The following VWA3A variants were observed in gnomAD, a reference collection of about 807,000 sequenced individuals.
VWA3A encodes the protein von Willebrand factor A domain containing 3A.
In VWA3A, 134 loss-of-function variants were observed where a neutral mutation model predicts 160.4. The ratio of observed to expected loss-of-function variants is 0.84; its 90% CI spans 0.73 to 0.96. The LOEUF is 0.96. Among genes scored for constraint, VWA3A ranks in the 40% least tolerant of loss-of-function variants. The pLI, the probability that VWA3A is intolerant of heterozygous loss-of-function variation, is 0.00. For synonymous variants in VWA3A, 476 were observed against 543.4 expected, an observed-to-expected ratio of 0.88 and a Z score of 1.72; for missense variants, 1,310 against 1,447.9, an observed-to-expected ratio of 0.90 and a Z score of 1.55.
chr16:22,096,954 A>G lies in VWA3A; in HGVS notation c.101+9A>G, dbSNP rs775802438. Reference sequence around the variant, plus strand: ...TTTCTGGAAAACCATTGGTAAGCATAGTTCTCTGATTTTTTTTTTTTTTTT... The same window carrying G: ...TTTCTGGAAAACCATTGGTAAGCATGGTTCTCTGATTTTTTTTTTTTTTTT... On this transcript the variant is annotated intron_variant, in intron 2 of 33. Coordinates refer to ENST00000389398, the MANE Select transcript of VWA3A (RefSeq NM_173615.5). 3.1e-6 allele frequency: 4 copies of G among 1,287,076 alleles called. No individual in the cohort carries two copies. Among genetic ancestry groups the G allele is most frequent in the Non-Finnish European group, 3.2e-6 (3 of 925,694 alleles). The allele number at this position is 1,287,076 out of a possible 1,614,324, so 79.7% of individuals were successfully genotyped here. A position where few individuals can be genotyped will look rare whatever the true frequency, so the allele number is the denominator to read the frequency against.
rs529027340 is a variant in VWA3A at position 22,109,574 on chromosome 16, C to T, written c.576C>T (p.Asp192=). Residue 192 remains aspartate, a synonymous_variant, in exon 7 of 34, where the codon GAC becomes GAT. Transcript: ENST00000389398. ...CTCAGAAAGAAGAGTTCCAAAAGGA[C>T]CTCATGGTAAGTCTGTCTGGCACAG... The part of the protein sequence containing the change: ...SGPQKEEFQK[D]LMSLIDEQLS... 2 of 1,613,218 alleles carry T rather than the reference C, an allele frequency of 1.2e-6. No individual in the cohort carries two copies. The highest frequency in any genetic ancestry group is 2.7e-5 in the African/African-American group (2 of 75,048).
At chr16:22,135,666 C>T (rs1297144713) in intron 21 of VWA3A, among the ~76,000 whole-genome samples, 4 of 152,236 alleles carry the variant, frequency 2.6e-5, no homozygotes, top group East Asian at 3.9e-4. Context: ...TCCTTAAACA[C>T]GTCAAGGTTA....
At position 22,098,772 on chromosome 16, in the gene VWA3A, A is replaced by G. The variant is rs535627194; in HGVS notation, c.225+1077A>G. Among the ~76,000 whole-genome samples, 59 of 152,062 alleles carry G rather than the reference A, an allele frequency of 3.9e-4. 2 individuals are homozygous for G. Among genetic ancestry groups the G allele is most frequent in the Non-Finnish European group, 7.4e-4 (50 of 68,014 alleles). On this transcript the variant is annotated intron_variant, in intron 3 of 33. Transcript: ENST00000389398. ...AAGCAACACAGATGGAAGAAAGGTG[A>G]ATTATTAAGTCCACCATGCTCACCA... is the stretch of plus-strand genomic sequence containing the variant.
intron 14 of VWA3A, among the ~76,000 whole-genome samples, chr16:22,122,797 AG>A (rs1223063135): frequency 1.3e-5 from 2 of 152,116 alleles, no homozygotes; most frequent in East Asian, 1.9e-4. Flanking sequence ...TGTTCAGAAA[AG>A]CCTCTCGGGA....
chr16:22,139,280 T>C (rs569417510), intron 22 of VWA3A, among the ~76,000 whole-genome samples: 2 of 152,324 alleles, frequency 1.3e-5, no homozygotes, highest in East Asian at 1.9e-4. Flanking sequence ...AGGCTGCCTC[T>C]TGAGCCTTCA....
intron 27 of VWA3A, 141 bp downstream of exon 27, chr16:22,146,485 C>T (rs2046253502): frequency 2.9e-6 from 2 of 686,072 alleles, no homozygotes; most frequent in South Asian, 3.8e-5. Flanking sequence ...ACATCATCCA[C>T]ATACAACATG....
intron 30 of VWA3A, 100 bp from the exon 31 acceptor site, chr16:22,152,406 TTTCTC>T (rs2046364970): frequency 1.4e-6 from 2 of 1,442,580 alleles, no homozygotes; most frequent in East Asian, 4.9e-5. Context: ...GCCAGGCTGA[TTTCTC>T]TTAAGCCCCA....
chr16:22,140,713 C>T (rs990742170), intron 23 of VWA3A, among the ~76,000 whole-genome samples: 9 of 151,366 alleles, frequency 5.9e-5, no homozygotes, highest in South Asian at 2.1e-4. Flanking sequence ...TGGGTTCAAG[C>T]GATTCTTGTG....
At chr16:22,141,071 G>A in intron 23 of VWA3A, 1 of 402,058 alleles carries the variant, frequency 2.5e-6, no homozygotes, top group South Asian at 1.8e-5. Flanking sequence ...GCTTCCTATT[G>A]TACTGACAAA....
intron 26 of VWA3A, among the ~76,000 whole-genome samples, 166 bp downstream of exon 26, chr16:22,144,550 A>G (rs748148705): frequency 1.3e-5 from 2 of 152,128 alleles, no homozygotes; most frequent in Non-Finnish European, 2.9e-5. Flanking sequence ...TCCTGTTGGA[A>G]GAAAAGCCAA....
At position 22,097,674 on chromosome 16, in the gene VWA3A, T is replaced by C; in HGVS notation, c.204T>C (p.Val68=). 1 of 1,551,708 alleles carries C rather than the reference T, an allele frequency of 6.4e-7. No individual in the cohort carries two copies. The highest frequency in any genetic ancestry group is 8.7e-7 in the Non-Finnish European group (1 of 1,146,960). ...NSDNGLLVTH[V]NQTQDLLRLQ... ...ACAATGGATTATTGGTTACACATGT[T>C]AACCAGACACAGGACTTACTGGTAA... Residue 68 remains valine (V), a synonymous_variant, in exon 3 of 34, where the codon GTT becomes GTC. Coordinates refer to ENST00000389398, the MANE Select transcript of VWA3A (RefSeq NM_173615.5).
At position 22,096,961 on chromosome 16, in the gene VWA3A, TGA is replaced by T; in HGVS notation, c.101+17_101+18del. 6 of 1,423,782 alleles carry T rather than the reference TGA, an allele frequency of 4.2e-6. No homozygotes were observed. Among genetic ancestry groups the T allele is most frequent in the Non-Finnish European group, 5.7e-6 (6 of 1,056,068 alleles). The allele number at this position is 1,423,782 out of a possible 1,614,324, so 88.2% of individuals were successfully genotyped here. On this transcript the variant is annotated intron_variant, in intron 2 of 33. Coordinates refer to ENST00000389398, the MANE Select transcript of VWA3A (RefSeq NM_173615.5). ...AAAACCATTGGTAAGCATAGTTCTC[TGA>T]TTTTTTTTTTTTTTTTTTTTGAGGC...
At position 22,131,726 on chromosome 16, in the gene VWA3A, C is replaced by G; in HGVS notation, c.1869C>G (p.Asp623Glu). The G allele has an allele frequency of 6.2e-7, 1 of 1,612,918 alleles. No individual in the cohort carries two copies. Among genetic ancestry groups the G allele is most frequent in the Non-Finnish European group, 8.5e-7 (1 of 1,179,300 alleles). Reference protein sequence around the residue: ...YLFTGGIPDQDMPTLSAYMAE... With the variant: ...YLFTGGIPDQEMPTLSAYMAE... ...TCACTGGGGGCATCCCCGACCAGGA[C>G]ATGGTGGGTAGGCCACGTCCTGGGT... Residue 623 changes from aspartate to glutamate, a missense_variant, in exon 19 of 34, where the codon GAC becomes GAG. Transcript: ENST00000389398.
In VWA3A at chr16:22,155,622, T is replaced by C; in HGVS notation, c.3461T>C (p.Ile1154Thr). The C allele has an allele frequency of 1.9e-6, 3 of 1,613,954 alleles. No homozygotes were observed. Among genetic ancestry groups the C allele is most frequent in the Non-Finnish European group, 2.5e-6 (3 of 1,179,882 alleles). ...GATTTAAGGATCCTGGCCCAGGAGA[T>C]CACCAAGGCCAGAAGCTTCCTCTGG... ...GDDLRILAQE[I>T]TKARSFLWQA... The change falls in exon 32 of 34, where the codon ATC (isoleucine) becomes ACC (threonine). Residue 1154 changes from isoleucine (I) to threonine (T), a missense_variant. Physicochemically the swap from Ile to Thr is moderately conservative, Grantham distance 89. Transcript: ENST00000389398.
At chr16:22,122,129 A>ATGGT (rs1423331889) in intron 14 of VWA3A, among the ~76,000 whole-genome samples, 23 of 140,556 alleles carry the variant, frequency 1.6e-4, no homozygotes, top group Admixed American at 5.1e-4. Flanking sequence ...TGATGGATGG[A>ATGGT]TGGATGGATG....
Position 22,152,590 on chromosome 16 carries a change from T to C in VWA3A, c.3361T>C (p.Ser1121Pro), listed in dbSNP as rs1255951150. 1 of 1,610,622 alleles carries C rather than the reference T, an allele frequency of 6.2e-7. No individual in the cohort carries two copies. Among genetic ancestry groups the C allele is most frequent in the Admixed American group, 1.7e-5 (1 of 59,426 alleles). ...YHCPVGEDTL[S>P]KIHSLLTKGF... The stretch of plus-strand genomic sequence containing the variant: ...CTGCCCTGTGGGTGAGGACACACTC[T>C]CCAAAATTCACAGCCTGCTGACCAA... Residue 1121 changes from serine to proline, a missense_variant, in exon 31 of 34, where the codon TCC becomes CCC. Ser to Pro is a moderately conservative substitution (Grantham distance 74). Transcript: ENST00000389398.
intron 8 of VWA3A, among the ~76,000 whole-genome samples, chr16:22,114,575 C>T (rs554262557): frequency 3.9e-5 from 6 of 152,194 alleles, no homozygotes; most frequent in Non-Finnish European, 8.8e-5. Flanking sequence ...CAAGTCCTAA[C>T]TCAGTTTCCT....
At chr16:22,141,202 G>A (rs767312550) in intron 23 of VWA3A, 1 of 473,174 alleles carries the variant, frequency 2.1e-6, no homozygotes, top group Non-Finnish European at 4.2e-6. Context: ...TAATGTCAAA[G>A]GTATGGCAGA....
rs2045334333 is a variant in VWA3A at position 22,096,944 on chromosome 16, T to A, written c.100T>A (p.Cys34Ser). Reference sequence around the variant, plus strand: ...AGAAAATATGTTTCTGGAAAACCATTGGTAAGCATAGTTCTCTGATTTTTT... The same window carrying A: ...AGAAAATATGTTTCTGGAAAACCATAGGTAAGCATAGTTCTCTGATTTTTT... ...GQENMFLENH[C>S]IRRNTGRDSK... The change falls in exon 2 of 34, where the codon TGC becomes AGC. Residue 34 changes from cysteine (C) to serine (S), a missense_variant and splice_region_variant. By Grantham distance (112) the Cys-to-Ser change is moderately radical. Transcript: ENST00000389398. 3 of 1,530,484 alleles carry A rather than the reference T, an allele frequency of 2.0e-6. No individual in the cohort carries two copies. The highest frequency in any genetic ancestry group is 2.7e-6 in the Non-Finnish European group (3 of 1,129,946). 94.8% of individuals were successfully genotyped at this position (1,530,484 alleles called of 1,614,324 possible). A position where few individuals can be genotyped will look rare whatever the true frequency, so the allele number is the denominator to read the frequency against.
Sources: gnomAD v4.1 joint callset for allele counts (sites outside exome capture counted in the v4.1 genomes callset) on GRCh38, gnomAD v4.1.1 for gene constraint, MANE v1.5 for transcripts, NCBI Gene and HGNC (gene_info 2026-07-23, HGNC 2026-07-21) for gene names.